MAST4: variants seen among roughly 807,000 people sequenced by gnomAD.
MAST4 encodes microtubule-associated serine/threonine-protein kinase 4.
MAST4 carries 89 observed loss-of-function variants against 162.7 expected under a neutral mutation model. The observed-to-expected ratio is 0.55, with a 90% CI of 0.46 to 0.65. The LOEUF is 0.65. Ranked by LOEUF, MAST4 falls within the 30% of genes least tolerant of loss-of-function variation. The pLI, the probability that MAST4 is intolerant of heterozygous loss-of-function variation, is 0.00. For synonymous variants in MAST4, 1,479 were observed against 1,361.1 expected (o/e 1.09, Z -1.91); for missense variants, 3,153 against 3,374.0 (o/e 0.93, Z 1.62).
At chr5:66,893,505 T>C (rs372824687) in intron 3 of MAST4, among the ~76,000 whole-genome samples, 19 of 152,272 alleles carry the variant, frequency 1.2e-4, no homozygotes, top group African/African-American at 4.3e-4. Flanking sequence ...TGAGAGATTA[T>C]AGGCATGAGC....
At chr5:67,126,449 A>G (rs1768241939) in intron 14 of MAST4, among the ~76,000 whole-genome samples, 1 of 152,216 alleles carries the variant, frequency 6.6e-6, no homozygotes, top group Non-Finnish European at 1.5e-5. Flanking sequence ...ATCCAGTTTC[A>G]ACTTTCTGCA....
intron 3 of MAST4, among the ~76,000 whole-genome samples, chr5:66,896,123 T>G (rs1364774444): frequency 1.3e-5 from 2 of 152,206 alleles, no homozygotes; most frequent in African/African-American, 4.8e-5. Flanking sequence ...ACCCTTAGTC[T>G]TCTCCCATCT....
intron 1 of MAST4, among the ~76,000 whole-genome samples, chr5:66,604,587 A>G (rs1288744853): frequency 1.3e-5 from 2 of 152,194 alleles, no homozygotes; most frequent in African/African-American, 4.8e-5. Flanking sequence ...CACCCAATTT[A>G]GTGTGGGTAG....
At chr5:66,882,697 C>A (rs186525265) in intron 3 of MAST4, among the ~76,000 whole-genome samples, 16 of 152,202 alleles carry the variant, frequency 1.1e-4, no homozygotes, top group Admixed American at 8.5e-4. Context: ...CTGATAACAC[C>A]AGCATCTTGA....
intron 1 of MAST4, among the ~76,000 whole-genome samples, chr5:66,715,080 C>A (rs771003055): frequency 6.6e-6 from 1 of 152,144 alleles, no homozygotes; most frequent in Non-Finnish European, 1.5e-5. Flanking sequence ...TTCAGATGTT[C>A]AGCTTCCCTA....
chr5:67,011,508 C>A (rs531344459), intron 4 of MAST4, among the ~76,000 whole-genome samples: 1 of 152,352 alleles, frequency 6.6e-6, no homozygotes, highest in South Asian at 2.1e-4. Flanking sequence ...TTAGCTCTCA[C>A]GTTGCTAATA....
intron 1 of MAST4, among the ~76,000 whole-genome samples, chr5:66,724,768 C>T (rs1751413852): frequency 6.6e-6 from 1 of 151,848 alleles, no homozygotes; most frequent in Admixed American, 6.6e-5. Context: ...AGAAAAGGTA[C>T]AGCAAAAATA....
At chr5:66,674,810 C>G (rs569330450) in intron 1 of MAST4, among the ~76,000 whole-genome samples, 2 of 152,160 alleles carry the variant, frequency 1.3e-5, no homozygotes, top group Non-Finnish European at 2.9e-5. Flanking sequence ...TCAATAGATT[C>G]GTAGGCTGTT....
intron 1 of MAST4, among the ~76,000 whole-genome samples, chr5:66,682,557 G>A (rs554394525): frequency 6.6e-6 from 1 of 152,234 alleles, no homozygotes; most frequent in South Asian, 2.1e-4. Flanking sequence ...ACAGTAGTAA[G>A]GACTATCCTT....
At chr5:67,056,992 C>T (rs577973499) in intron 5 of MAST4, among the ~76,000 whole-genome samples, 16 of 152,250 alleles carry the variant, frequency 1.1e-4, no homozygotes, top group South Asian at 4.2e-4. Flanking sequence ...CACGAGCCAC[C>T]GCACCGCACC....
At chr5:66,824,303 C>T (rs767126627) in intron 3 of MAST4, among the ~76,000 whole-genome samples, 48 of 152,110 alleles carry the variant, frequency 3.2e-4, no homozygotes, top group Admixed American at 1.4e-3. Flanking sequence ...ACTGGTGGGA[C>T]GAGGGGCAGG....
At chr5:67,099,134 C>T (rs1764746592) in intron 7 of MAST4, among the ~76,000 whole-genome samples, 2 of 151,966 alleles carry the variant, frequency 1.3e-5, no homozygotes, top group African/African-American at 4.8e-5. Context: ...TATCTTTCCT[C>T]TTATCACCAC....
chr5:66,742,228 G>A lies in MAST4; in HGVS notation c.364-17481G>A, dbSNP rs1001100138. On this transcript the variant is annotated intron_variant, in intron 1 of 28. Transcript: ENST00000403625. ...ATGCTGACCGTACAGTTGCTCTCGC[G>A]GTTCATCTGCCCGAGTCTGTTTTCA... Among the ~76,000 whole-genome samples the A allele has an allele frequency of 2.0e-5, 3 of 152,250 alleles. 1 individual carries two copies. Among genetic ancestry groups the A allele is most frequent in the African/African-American group, 7.2e-5 (3 of 41,534 alleles).
chr5:67,152,978 C>T, intron 25 of MAST4, 112 bp downstream of exon 25: 1 of 886,494 alleles, frequency 1.1e-6, no homozygotes, highest in Non-Finnish European at 1.7e-6. Flanking sequence ...GCATTTGCGA[C>T]CTGTTTCATT....
chr5:66,977,136 T>G (rs1239861448), intron 4 of MAST4, among the ~76,000 whole-genome samples: 1 of 152,124 alleles, frequency 6.6e-6, no homozygotes, highest in East Asian at 1.9e-4. Flanking sequence ...GTTTTGTTCT[T>G]TTTGCCCAGA....
chr5:66,845,085 T>TTTTA (rs1374904876), intron 3 of MAST4, among the ~76,000 whole-genome samples: 2 of 57,972 alleles, frequency 3.4e-5, no homozygotes, highest in African/African-American at 1.4e-4. Flanking sequence ...TCACTAATCT[T>TTTTA]TATATATATA....
At chr5:67,024,991 T>C (rs546412081) in intron 4 of MAST4, among the ~76,000 whole-genome samples, 1 of 152,250 alleles carries the variant, frequency 6.6e-6, no homozygotes, top group East Asian at 1.9e-4. Flanking sequence ...TTAAAAGAGA[T>C]CTTGTTTCTG....
chr5:67,131,670 G>A (rs1319719631), intron 15 of MAST4, 143 bp from the exon 16 acceptor site: 2 of 689,326 alleles, frequency 2.9e-6, no homozygotes, highest in African/African-American at 1.8e-5. Flanking sequence ...AACATGATAG[G>A]TTAACACATA....
Position 66,596,600 on chromosome 5 carries a change from G to A in MAST4, c.-56G>A, listed in dbSNP as rs965736644. 2.2e-6 allele frequency: 3 copies of A among 1,379,112 alleles called. No homozygotes were observed. The highest frequency in any genetic ancestry group is 1.8e-5 in the South Asian group (1 of 56,496). The allele number at this position is 1,379,112 out of a possible 1,614,324, so 85.4% of individuals were successfully genotyped here. A position where few individuals can be genotyped will look rare whatever the true frequency, so the allele number is the denominator to read the frequency against. ...GGAGCCCGCGTCTTCCCCGGGAGGC[G>A]CTGAGTGCGCGCCGCGCCCCCGCCG... is the stretch of plus-strand genomic sequence containing the variant. On this transcript the variant is annotated 5_prime_UTR_variant, in exon 1 of 29. Transcript: ENST00000403625.
Sources: allele counts gnomAD v4.1 joint callset (sites outside exome capture counted in the v4.1 genomes callset), GRCh38; gene constraint gnomAD v4.1.1; transcripts MANE v1.5; gene names NCBI Gene and HGNC (gene_info 2026-07-23, HGNC 2026-07-21).